Variants in PTPRT observed in about 807,000 individuals in gnomAD.
PTPRT encodes the protein receptor-type tyrosine-protein phosphatase T.
Under a neutral mutation model 176.8 loss-of-function variants are expected in PTPRT, and 56 were observed. That is an observed-to-expected ratio of 0.32 (90% CI 0.26 to 0.40). The LOEUF is 0.40. PTPRT is among the 10% of genes least tolerant of loss of function. The pLI, the probability that PTPRT is intolerant of heterozygous loss-of-function variation, is 1.00. For synonymous variants in PTPRT, 783 were observed against 739.0 expected, an observed-to-expected ratio of 1.06 and a Z score of -0.96; for missense variants, 1,540 against 1,908.2, an observed-to-expected ratio of 0.81 and a Z score of 3.60.
chr20:42,213,099 A>T (rs2055684508), intron 15 of PTPRT, among the ~76,000 whole-genome samples: 2 of 152,186 alleles, frequency 1.3e-5, no homozygotes, highest in South Asian at 2.1e-4. Context: ...GTTTCCCTGG[A>T]CCAGCAGCAT....
At chr20:42,583,014 C>G (rs1601318074) in intron 7 of PTPRT, among the ~76,000 whole-genome samples, 1 of 152,206 alleles carries the variant, frequency 6.6e-6, no homozygotes, top group Non-Finnish European at 1.5e-5. Context: ...TCACTCATCT[C>G]TACAGCTCCA....
At chr20:42,387,396 C>T (rs942845275) in intron 9 of PTPRT, among the ~76,000 whole-genome samples, 12 of 152,204 alleles carry the variant, frequency 7.9e-5, no homozygotes, top group Non-Finnish European at 1.5e-5. Context: ...TCAGCACAAG[C>T]AGGCTGGCTA....
At chr20:42,495,434 A>G (rs1184637599) in intron 7 of PTPRT, among the ~76,000 whole-genome samples, 1 of 152,082 alleles carries the variant, frequency 6.6e-6, no homozygotes, top group East Asian at 1.9e-4. Flanking sequence ...AGTCTCACCT[A>G]TACTTTCTCT....
intron 1 of PTPRT, among the ~76,000 whole-genome samples, chr20:43,153,169 C>T (rs1320515121): frequency 6.6e-6 from 1 of 152,154 alleles, no homozygotes; most frequent in Non-Finnish European, 1.5e-5. Flanking sequence ...CCATCCTCTC[C>T]ATGAAGCTAA....
chr20:42,603,534 A>T lies in PTPRT; in HGVS notation c.1153+74332T>A, dbSNP rs187731032. Among the ~76,000 whole-genome samples the T allele has an allele frequency of 2.3e-3, 343 of 152,286 alleles. 1 individual carries two copies. Among genetic ancestry groups the T allele is most frequent in the Admixed American group, 6.2e-3 (94 of 15,284 alleles). On this transcript the variant is annotated intron_variant, in intron 7 of 30. Coordinates refer to ENST00000373187, the MANE Select transcript of PTPRT (RefSeq NM_007050.6). ...AGCTTTGAGAGGCTGGTGCGACTAG[A>T]TCTTGCTGGGCCTTGTGGGCCATAT...
intron 9 of PTPRT, among the ~76,000 whole-genome samples, chr20:42,415,260 T>C (rs1398186665): frequency 2.0e-5 from 3 of 152,214 alleles, no homozygotes; most frequent in Admixed American, 6.5e-5. Context: ...TGGCTCACTG[T>C]AACCTTGAGC....
At chr20:42,141,546 T>C in intron 18 of PTPRT, among the ~76,000 whole-genome samples, 1 of 152,330 alleles carries the variant, frequency 6.6e-6, no homozygotes, top group Middle Eastern at 3.4e-3. Context: ...AGCTCATCTC[T>C]TTATCCAGCT....
chr20:42,699,491 A>C (rs771557413), intron 6 of PTPRT, among the ~76,000 whole-genome samples: 10 of 152,016 alleles, frequency 6.6e-5, no homozygotes, highest in African/African-American at 1.9e-4. Context: ...AAGAAGACAG[A>C]CTTCCTTCTA....
At chr20:42,919,717 C>T (rs1187035350) in intron 1 of PTPRT, among the ~76,000 whole-genome samples, 1 of 152,170 alleles carries the variant, frequency 6.6e-6, no homozygotes, top group African/African-American at 2.4e-5. Flanking sequence ...ACCTTTAAAC[C>T]TTGTAGACAA....
At chr20:42,272,612 C>T (rs1046744484) in intron 13 of PTPRT, among the ~76,000 whole-genome samples, 1 of 152,138 alleles carries the variant, frequency 6.6e-6, no homozygotes, top group Non-Finnish European at 1.5e-5. Flanking sequence ...TAAACTATAA[C>T]TAGGGTGTCC....
intron 7 of PTPRT, among the ~76,000 whole-genome samples, chr20:42,615,242 C>A (rs1220658328): frequency 7.4e-6 from 1 of 135,450 alleles, no homozygotes; most frequent in Non-Finnish European, 1.5e-5. Flanking sequence ...CAATTTCATC[C>A]ATGTCCCTAC....
At chr20:42,189,176 T>C (rs554792461) in intron 16 of PTPRT, among the ~76,000 whole-genome samples, 1 of 152,324 alleles carries the variant, frequency 6.6e-6, no homozygotes, top group South Asian at 2.1e-4. Context: ...TCAAACCCAC[T>C]TCTCTGAGTC....
At chr20:42,841,704 T>C (rs897260372) in intron 2 of PTPRT, among the ~76,000 whole-genome samples, 1 of 152,140 alleles carries the variant, frequency 6.6e-6, no homozygotes, top group Non-Finnish European at 1.5e-5. Context: ...TTCTGGACTA[T>C]ATGTACGAGA....
chr20:42,248,236 G>T (rs2056487521), intron 14 of PTPRT, among the ~76,000 whole-genome samples: 1 of 152,158 alleles, frequency 6.6e-6, no homozygotes, highest in African/African-American at 2.4e-5. Flanking sequence ...AGGGCAGCCT[G>T]GGATGCTATT....
At position 42,868,637 on chromosome 20, in the gene PTPRT, G is replaced by A. The variant is rs373104831; in HGVS notation, c.214+17170C>T. 8.5e-5 allele frequency among the ~76,000 whole-genome samples: 13 copies of A among 152,306 alleles called. No homozygotes were observed. The South Asian group carries it at 1.5e-3, about 17-fold the overall frequency. ...ATATTATGGAGAGAATACCAACAGT[G>A]TGGCTGAGTCAATGTTTGATAAAAA... On this transcript the variant is annotated intron_variant, in intron 2 of 30. Transcript: ENST00000373187.
intron 9 of PTPRT, among the ~76,000 whole-genome samples, chr20:42,428,958 C>A (rs926632256): frequency 6.6e-6 from 1 of 152,118 alleles, no homozygotes; most frequent in African/African-American, 2.4e-5. Flanking sequence ...AGCTTATGGC[C>A]ACCCTAATCA....
At chr20:42,516,974 G>A (rs1601173532) in intron 7 of PTPRT, among the ~76,000 whole-genome samples, 1 of 152,028 alleles carries the variant, frequency 6.6e-6, no homozygotes, top group East Asian at 1.9e-4. Flanking sequence ...TTCTGAATGT[G>A]CATAAGAAAA....
intron 1 of PTPRT, among the ~76,000 whole-genome samples, chr20:42,999,498 G>A (rs1347114038): frequency 6.6e-6 from 1 of 152,080 alleles, no homozygotes; most frequent in Non-Finnish European, 1.5e-5. Flanking sequence ...GCTCATGAGT[G>A]TAATCCTAAC....
chr20:42,661,979 G>A (rs1228262563), intron 7 of PTPRT, among the ~76,000 whole-genome samples: 1 of 152,190 alleles, frequency 6.6e-6, no homozygotes, highest in Non-Finnish European at 1.5e-5. Context: ...CATTTTGGCT[G>A]AGGCTGCATA....
Sources: allele counts gnomAD v4.1 joint callset (sites outside exome capture counted in the v4.1 genomes callset), GRCh38; gene constraint gnomAD v4.1.1; transcripts MANE v1.5; gene names NCBI Gene and HGNC (gene_info 2026-07-23, HGNC 2026-07-21).